Variants in RHOBTB1 observed in about 807,000 individuals in gnomAD.
RHOBTB1 encodes the protein Rho related BTB domain containing 1, also known as rho-related BTB domain-containing protein 1.
RHOBTB1 carries 40 observed loss-of-function variants against 71.6 expected under a neutral mutation model. The ratio of observed to expected loss-of-function variants is 0.56; its 90% CI spans 0.43 to 0.73. RHOBTB1 has a LOEUF of 0.73. Ranked by LOEUF, RHOBTB1 falls within the 30% of genes least tolerant of loss-of-function variation. The pLI, the probability that RHOBTB1 is intolerant of heterozygous loss-of-function variation, is 0.00. For synonymous variants in RHOBTB1, 319 were observed against 334.9 expected, an observed-to-expected ratio of 0.95 and a Z score of 0.52; for missense variants, 797 against 894.0, an observed-to-expected ratio of 0.89 and a Z score of 1.38.
chr10:60,984,246 G>A (rs2086592116), intron 2 of RHOBTB1, among the ~76,000 whole-genome samples: 1 of 152,132 alleles, frequency 6.6e-6, no homozygotes, highest in East Asian at 1.9e-4. Context: ...AATAAATTAA[G>A]TTAACGGAAA....
chr10:60,998,199 C>CT (rs1313780873), intron 1 of RHOBTB1, among the ~76,000 whole-genome samples: 2 of 152,212 alleles, frequency 1.3e-5, no homozygotes, highest in Admixed American at 6.5e-5. Flanking sequence ...CTCACCCTCT[C>CT]TAACACTATA....
At chr10:60,866,048 T>C (rs1007245063), downstream of RHOBTB1, among the ~76,000 whole-genome samples, 1 of 152,180 alleles carries the variant, frequency 6.6e-6, no homozygotes, top group Non-Finnish European at 1.5e-5. Flanking sequence ...GCCAGGCTGG[T>C]CTCAAACTCC....
intron 2 of RHOBTB1, among the ~76,000 whole-genome samples, chr10:60,959,857 C>A (rs1310357394): frequency 6.6e-6 from 1 of 152,146 alleles, no homozygotes; most frequent in Admixed American, 6.6e-5. Flanking sequence ...GGGAAAGAAA[C>A]CTCAAAGTGT....
intron 2 of RHOBTB1, among the ~76,000 whole-genome samples, chr10:60,964,257 T>C (rs1003235114): frequency 1.1e-4 from 16 of 151,932 alleles, no homozygotes; most frequent in African/African-American, 3.4e-4. Flanking sequence ...ATTTGTGAGG[T>C]GAATTAGCAA....
chr10:60,995,794 T>C (rs2087027376), intron 1 of RHOBTB1, among the ~76,000 whole-genome samples: 1 of 152,270 alleles, frequency 6.6e-6, no homozygotes, highest in Non-Finnish European at 1.5e-5. Context: ...TTTAAAGCTA[T>C]ATTCAAATCC....
chr10:60,863,827 G>T, the RHOBTB1 span, among the ~76,000 whole-genome samples: 2 of 152,118 alleles, frequency 1.3e-5, no homozygotes, highest in Non-Finnish European at 2.9e-5. Flanking sequence ...TCCACTGGCT[G>T]GTCCCTTGCA....
chr10:60,918,085 A>G (rs1484880005), intron 2 of RHOBTB1, among the ~76,000 whole-genome samples: 1 of 152,198 alleles, frequency 6.6e-6, no homozygotes, highest in East Asian at 1.9e-4. Context: ...CCCATTTCAT[A>G]CACTGAACGA....
At chr10:60,944,705 G>A (rs554921604), upstream of RHOBTB1, among the ~76,000 whole-genome samples, 40 of 152,300 alleles carry the variant, frequency 2.6e-4, no homozygotes, top group Admixed American at 2.0e-3. Flanking sequence ...CGGACTCCGA[G>A]GGAGGACATT....
chr10:60,930,472 A>G (rs2084176748), intron 2 of RHOBTB1, among the ~76,000 whole-genome samples: 2 of 152,216 alleles, frequency 1.3e-5, no homozygotes, highest in Admixed American at 6.5e-5. Flanking sequence ...TTGAGGGGAA[A>G]GTGTGGAATA....
intron 7 of RHOBTB1, among the ~76,000 whole-genome samples, chr10:60,883,556 T>C (rs2081426228): frequency 6.6e-6 from 1 of 152,200 alleles, no homozygotes; most frequent in Non-Finnish European, 1.5e-5. Flanking sequence ...TGCACTTCAG[T>C]GAGCTGGACA....
At chr10:60,867,516 G>A (rs544326345), downstream of RHOBTB1, among the ~76,000 whole-genome samples, 91 of 152,288 alleles carry the variant, frequency 6.0e-4, 1 homozygote, top group South Asian at 0.014. Flanking sequence ...GAGGCAAGTC[G>A]CTTCACGTCT....
At chr10:60,967,395 C>T (rs190859457) in intron 2 of RHOBTB1, among the ~76,000 whole-genome samples, 2 of 150,542 alleles carry the variant, frequency 1.3e-5, no homozygotes, top group East Asian at 2.0e-4. Flanking sequence ...TGGGTTCAAG[C>T]GATTCTTGCA....
Position 60,980,065 on chromosome 10 carries a change from G to A in RHOBTB1, c.-62+5780C>T, listed in dbSNP as rs117204846. ...AACAGGGAGCCAATGGAGGTTCTGA[G>A]TCAAGGAGCAAAATTATATGATTTA... On this transcript the variant is annotated intron_variant, in intron 2 of 11. Coordinates refer to the RHOBTB1 transcript ENST00000357917. Among the ~76,000 whole-genome samples, 10 of 152,278 alleles carry A rather than the reference G, an allele frequency of 6.6e-5. No homozygotes were observed. The East Asian group carries it at 1.9e-3, about 29-fold the overall frequency.
Position 60,986,431 on chromosome 10 carries a change from A to ATATATATATATATAT in RHOBTB1, c.-162-487_-162-486insATATATATATATATA, listed in dbSNP as rs1554860002. Among the ~76,000 whole-genome samples the ATATATATATATATAT allele has an allele frequency of 1.1e-3, 148 of 134,574 alleles. 1 individual carries two copies. Among genetic ancestry groups the ATATATATATATATAT allele is most frequent in the East Asian group, 3.4e-3 (15 of 4,438 alleles). The allele number at this position is 134,574 out of a possible 152,430, so 88.3% of individuals were successfully genotyped here. ...TATATATATATATATATATATATAT[A>ATATATATATATATAT]AAATATATATAGGCCATATATACTG... is the stretch of plus-strand genomic sequence containing the variant. On this transcript the variant is annotated intron_variant, in intron 1 of 11. Transcript: ENST00000357917.
intron 2 of RHOBTB1, among the ~76,000 whole-genome samples, chr10:60,914,919 A>G (rs2083189682): frequency 6.6e-6 from 1 of 152,218 alleles, no homozygotes; most frequent in Non-Finnish European, 1.5e-5. Context: ...GATAATATGT[A>G]AGGGAAAATA....
At chr10:60,907,585 G>A (rs1564904817) in intron 4 of RHOBTB1, among the ~76,000 whole-genome samples, 1 of 152,202 alleles carries the variant, frequency 6.6e-6, no homozygotes, top group Non-Finnish European at 1.5e-5. Context: ...AAAGTGCAGA[G>A]CGTTACAACA....
At chr10:60,893,128 TA>T in intron 4 of RHOBTB1, 133 bp from the exon 5 acceptor site, 2 of 682,134 alleles carry the variant, frequency 2.9e-6, no homozygotes, top group Non-Finnish European at 4.9e-6. Flanking sequence ...GACCAGATAT[TA>T]AAAAACATCT....
intron 2 of RHOBTB1, among the ~76,000 whole-genome samples, chr10:60,962,963 A>G (rs562242218): frequency 9.7e-4 from 147 of 152,298 alleles, no homozygotes; most frequent in Non-Finnish European, 1.8e-3. Flanking sequence ...ATCCCCAGCC[A>G]TGTTGTTAGG....
chr10:60,949,251 G>C (rs2085334579), intron 2 of RHOBTB1, among the ~76,000 whole-genome samples: 1 of 152,174 alleles, frequency 6.6e-6, no homozygotes, highest in Non-Finnish European at 1.5e-5. Flanking sequence ...ATGATGTCCA[G>C]CCTTCCATCT....
Sources: gnomAD v4.1 joint callset for allele counts (sites outside exome capture counted in the v4.1 genomes callset) on GRCh38, gnomAD v4.1.1 for gene constraint, MANE v1.5 for transcripts, NCBI Gene and HGNC (gene_info 2026-07-23, HGNC 2026-07-21) for gene names.